The following ABCC6 variants were observed in gnomAD, a reference collection of about 807,000 sequenced individuals.
ABCC6 encodes the protein ATP-binding cassette sub-family C member 6.
ABCC6 carries 126 observed loss-of-function variants against 169.5 expected under a neutral mutation model. The observed-to-expected ratio is 0.74, with a 90% CI of 0.64 to 0.86. The LOEUF is 0.86. ABCC6 is among the 40% of genes least tolerant of loss of function. ABCC6 has a pLI of 0.00. For missense variants in ABCC6, 1,733 were observed against 1,927.2 expected, an observed-to-expected ratio of 0.90 and a Z score of 1.89; for synonymous variants, 752 against 814.7, an observed-to-expected ratio of 0.92 and a Z score of 1.31.
chr16:16,184,378 G>T (rs1480196181), intron 15 of ABCC6, among the ~76,000 whole-genome samples: 1 of 152,032 alleles, frequency 6.6e-6, no homozygotes, highest in African/African-American at 2.4e-5. Flanking sequence ...CGAGAGCAGG[G>T]CCCTTGTCTG....
chr16:16,193,351 C>T (rs1235373911), intron 10 of ABCC6, among the ~76,000 whole-genome samples: 1 of 152,200 alleles, frequency 6.6e-6, no homozygotes, highest in Non-Finnish European at 1.5e-5. Context: ...TAAAAATGGG[C>T]AACCAGCAGC....
chr16:16,160,900 A>AT (rs1209380869), intron 25 of ABCC6, among the ~76,000 whole-genome samples: 3 of 152,028 alleles, frequency 2.0e-5, no homozygotes, highest in African/African-American at 7.2e-5. Flanking sequence ...GTATATATAT[A>AT]TTTTTTTCAT....
intron 4 of ABCC6, among the ~76,000 whole-genome samples, chr16:16,215,538 A>G (rs1458331421): frequency 7.0e-6 from 1 of 143,596 alleles, no homozygotes; most frequent in East Asian, 2.0e-4. Context: ...CAGTGGCATG[A>G]TCTTGGCTCA....
At chr16:16,189,211 C>G (rs916112328) in intron 12 of ABCC6, among the ~76,000 whole-genome samples, 4 of 152,198 alleles carry the variant, frequency 2.6e-5, no homozygotes, top group African/African-American at 9.7e-5. Flanking sequence ...GTGCGCAGCC[C>G]CACGGCTCTA....
At chr16:16,186,998 A>G (rs2047671444) in intron 14 of ABCC6, 126 bp downstream of exon 14, 1 of 786,210 alleles carries the variant, frequency 1.3e-6, no homozygotes, top group Non-Finnish European at 2.2e-6. Flanking sequence ...CGTGATCTGC[A>G]CGTGTCATCC....
intron 17 of ABCC6, 107 bp downstream of exon 17, chr16:16,182,305 T>C (rs893677518): frequency 3.4e-6 from 5 of 1,453,562 alleles, no homozygotes; most frequent in Non-Finnish European, 4.8e-6. Context: ...GCTACTTCCC[T>C]AACCATTCCT....
Position 16,165,667 on chromosome 16 carries a change from T to C in ABCC6, c.3262A>G (p.Thr1088Ala). Residue 1088 changes from threonine (T) to alanine (A), a missense_variant, in exon 23 of 31, where the codon ACT becomes GCT. Coordinates refer to ENST00000205557, the MANE Select transcript of ABCC6 (RefSeq NM_001171.6). Reference sequence around the variant, plus strand: ...AGAAACAGTGGCAGGATGGCCACAGTGGCCAGTGGGGTAGCCACTGCCACC... The same window carrying C: ...AGAAACAGTGGCAGGATGGCCACAGCGGCCAGTGGGGTAGCCACTGCCACC... ...LVVAVATPLA[T>A]VAILPLFLLY... 1 of 1,612,512 alleles carries C rather than the reference T, an allele frequency of 6.2e-7. No individual in the cohort carries two copies. The highest frequency in any genetic ancestry group is 1.1e-5 in the South Asian group (1 of 91,086).
At chr16:16,208,422 G>A (rs887725111) in intron 7 of ABCC6, among the ~76,000 whole-genome samples, 5 of 151,740 alleles carry the variant, frequency 3.3e-5, no homozygotes, top group African/African-American at 1.2e-4. Flanking sequence ...ACTCAGGCTG[G>A]AGTGCAATGG....
rs773579765 is a variant in ABCC6 at position 16,161,523 on chromosome 16, A to C, written c.3548T>G (p.Val1183Gly). 8 of 1,613,960 alleles carry C rather than the reference A, an allele frequency of 5.0e-6. No individual in the cohort carries two copies. In the Admixed American group the frequency reaches 1.3e-4, roughly 27 times the overall value. ...CACAGCACACGTGGCAGCTGCAAAC[A>C]CCAGGCCATTCCCCAGGAGCTCCAC... is the stretch of plus-strand genomic sequence containing the variant. ...ANVELLGNGLVFAAATCAVLS... is the reference protein window; with the variant it reads ...ANVELLGNGLGFAAATCAVLS... The change falls in exon 25 of 31, where the codon GTG becomes GGG. Residue 1183 changes from valine to glycine, a missense_variant. Around this residue, in one of 5 missense-constraint regions of ABCC6, gnomAD observed 1,601 missense variants for 1,635.5 expected, o/e 0.98. Transcript: ENST00000205557.
intron 27 of ABCC6, among the ~76,000 whole-genome samples, chr16:16,157,177 A>G (rs1438475143): frequency 6.6e-6 from 1 of 152,080 alleles, no homozygotes; most frequent in African/African-American, 2.4e-5. Flanking sequence ...AGCATTAGTA[A>G]ACATTTCTGG....
intron 9 of ABCC6, among the ~76,000 whole-genome samples, chr16:16,200,202 T>C (rs1335327938): frequency 2.6e-5 from 4 of 151,704 alleles, no homozygotes; most frequent in Admixed American, 6.6e-5. Context: ...GAGGCTGAGG[T>C]GGGTGGATCA....
At chr16:16,182,684 G>A (rs2152259259) in intron 16 of ABCC6, 96 bp from the exon 17 acceptor site, 2 of 1,582,710 alleles carry the variant, frequency 1.3e-6, no homozygotes, top group East Asian at 2.3e-5. Flanking sequence ...AGTGGTGGGT[G>A]AGAGGTGGAG....
chr16:16,164,367 ACTT>A (rs1441613766), intron 23 of ABCC6, among the ~76,000 whole-genome samples: 8 of 151,856 alleles, frequency 5.3e-5, no homozygotes. Context: ...CATGTTTTCT[ACTT>A]CTGGTTTCCT....
chr16:16,185,506 C>T (rs925599318), intron 14 of ABCC6, among the ~76,000 whole-genome samples: 7 of 152,032 alleles, frequency 4.6e-5, no homozygotes, highest in Non-Finnish European at 4.4e-5. Context: ...TCACTGTGGC[C>T]GGCACAGTGT....
chr16:16,151,940 C>G (rs895913429), intron 29 of ABCC6, among the ~76,000 whole-genome samples: 2 of 151,954 alleles, frequency 1.3e-5, no homozygotes, highest in African/African-American at 4.8e-5. Flanking sequence ...CACCTGTAAT[C>G]CCAGCACTTT....
At position 16,179,949 on chromosome 16, in the gene ABCC6, G is replaced by A. The variant is rs554283037; in HGVS notation, c.2248-984C>T. Among the ~76,000 whole-genome samples the A allele has an allele frequency of 2.0e-5, 3 of 152,270 alleles. No homozygotes were observed. In the South Asian group the frequency reaches 6.2e-4, roughly 32 times the overall value. On this transcript the variant is annotated intron_variant, in intron 17 of 30. Coordinates refer to ENST00000205557, the MANE Select transcript of ABCC6 (RefSeq NM_001171.6). The stretch of plus-strand genomic sequence containing the variant: ...GACTCACCATCATGCAGTATCAGTG[G>A]GAGCCCTGAGCTTGTTTTCCTGAAA...
At chr16:16,169,930 G>T in intron 21 of ABCC6, 77 bp from the exon 22 acceptor site, 1 of 1,453,128 alleles carries the variant, frequency 6.9e-7, no homozygotes, top group Non-Finnish European at 9.4e-7. Context: ...GCCAGGCGAG[G>T]CTCCCAGAAA....
At chr16:16,217,761 A>T (rs988591922) in intron 4 of ABCC6, among the ~76,000 whole-genome samples, 3 of 152,148 alleles carry the variant, frequency 2.0e-5, no homozygotes, top group Non-Finnish European at 2.9e-5. Flanking sequence ...TAACCTGTGG[A>T]ATTTCCCCTT....
Position 16,165,794 on chromosome 16 carries a change from T to C in ABCC6, c.3135A>G (p.Leu1045=), listed in dbSNP as rs774855686. The C allele has an allele frequency of 6.8e-6, 11 of 1,613,568 alleles. No individual in the cohort carries two copies. Among genetic ancestry groups the C allele is most frequent in the Non-Finnish European group, 4.2e-6 (5 of 1,180,020 alleles). ...FFERTPIGHL[L]NRFSKETDTV... ...TGTCTGTCTCCTTGGAGAAGCGGTT[T>C]AGCAGGTGACCAATGGGTGTCCGCT... Residue 1045 remains leucine, a synonymous_variant, in exon 23 of 31, where the codon CTA becomes CTG. Coordinates refer to ENST00000205557, the MANE Select transcript of ABCC6 (RefSeq NM_001171.6).
Sources: gnomAD v4.1 joint callset for allele counts (sites outside exome capture counted in the v4.1 genomes callset) on GRCh38, gnomAD v4.1.1 for gene constraint, gnomAD v4.1.1 regional missense constraint, MANE v1.5 for transcripts, NCBI Gene and HGNC (gene_info 2026-07-23, HGNC 2026-07-21) for gene names.